Variants in PTPN11 observed in about 807,000 individuals in gnomAD.
PTPN11 encodes the protein protein tyrosine phosphatase non-receptor type 11.
PTPN11 carries 6 observed loss-of-function variants against 78.8 expected under a neutral mutation model. The observed-to-expected ratio is 0.08, with a 90% CI of 0.04 to 0.15. The LOEUF is 0.15. Among genes scored for constraint, PTPN11 ranks in the 10% least tolerant of loss-of-function variants. PTPN11 has a pLI of 1.00. For missense variants in PTPN11, 386 were observed against 744.8 expected (o/e 0.52, Z 5.61); for synonymous variants, 221 against 263.5 (o/e 0.84, Z 1.56).
At chr12:112,466,695 G>T (rs1009512633) in intron 6 of PTPN11, among the ~76,000 whole-genome samples, 3 of 152,028 alleles carry the variant, frequency 2.0e-5, no homozygotes, top group Admixed American at 1.3e-4. Flanking sequence ...GGTAGGCCAA[G>T]AATTTAAAAT....
chr12:112,502,877 G>A (rs568894010), intron 14 of PTPN11, among the ~76,000 whole-genome samples: 1 of 152,302 alleles, frequency 6.6e-6, no homozygotes, highest in African/African-American at 2.4e-5. Context: ...TGATGGGCTG[G>A]GGATTGTAAC....
At chr12:112,502,746 A>G (rs941545421) in intron 14 of PTPN11, among the ~76,000 whole-genome samples, 1 of 152,150 alleles carries the variant, frequency 6.6e-6, no homozygotes, top group African/African-American at 2.4e-5. Flanking sequence ...GCCTCTGTCT[A>G]AAAATAAAAT....
intron 1 of PTPN11, among the ~76,000 whole-genome samples, chr12:112,426,712 C>T (rs2037621287): frequency 6.6e-6 from 1 of 151,980 alleles, no homozygotes; most frequent in Non-Finnish European, 1.5e-5. Flanking sequence ...CTCTTTTCCC[C>T]AAGTGCTGGT....
chr12:112,461,338 CTTT>C (rs559792080), intron 6 of PTPN11, among the ~76,000 whole-genome samples: 7 of 140,480 alleles, frequency 5.0e-5, no homozygotes, highest in Admixed American at 2.9e-4. Flanking sequence ...TTTTCTTTTT[CTTT>C]TTTTTTTTTT....
intron 1 of PTPN11, among the ~76,000 whole-genome samples, chr12:112,426,106 TTCAGCA>T (rs1224493646): frequency 6.6e-6 from 1 of 152,228 alleles, no homozygotes; most frequent in Non-Finnish European, 1.5e-5. Flanking sequence ...AAACAAAATA[TTCAGCA>T]TCATTGTATT....
At chr12:112,441,471 C>T (rs2037889205) in intron 1 of PTPN11, among the ~76,000 whole-genome samples, 1 of 151,892 alleles carries the variant, frequency 6.6e-6, no homozygotes, top group Admixed American at 6.6e-5. Context: ...CCATTTTGCC[C>T]AGGCTGGTCT....
At chr12:112,489,502 TC>T (rs2038720227) in intron 13 of PTPN11, among the ~76,000 whole-genome samples, 1 of 152,180 alleles carries the variant, frequency 6.6e-6, no homozygotes, top group Non-Finnish European at 1.5e-5. Context: ...TCTAGCCTGT[TC>T]CAGCCTTGAT....
chr12:112,488,636 A>G, intron 12 of PTPN11, 126 bp downstream of exon 12: 1 of 980,658 alleles, frequency 1.0e-6, no homozygotes, highest in Admixed American at 1.9e-5. Context: ...TCTGGGCTGA[A>G]GACTTCAGTG....
Position 112,506,000 on chromosome 12 carries a change from A to G in PTPN11, c.*208A>G, listed in dbSNP as rs1220944487. 1 of 152,342 alleles carries G rather than the reference A, an allele frequency of 6.6e-6. No homozygotes were observed. Among genetic ancestry groups the G allele is most frequent in the Admixed American group, 6.5e-5 (1 of 15,278 alleles). 9.4% of individuals were successfully genotyped at this position (152,342 alleles called of 1,614,324 possible). ...ACTCAACAATACCTGCTTCCCAATT[A>G]CTCATTTCCTCAGATAAGAAGAAAT... On this transcript the variant is annotated 3_prime_UTR_variant, in exon 16 of 16. Coordinates refer to ENST00000351677, the MANE Select transcript of PTPN11 (RefSeq NM_002834.5).
intron 1 of PTPN11, among the ~76,000 whole-genome samples, chr12:112,434,022 T>C (rs1038356382): frequency 9.9e-5 from 15 of 151,936 alleles, no homozygotes; most frequent in African/African-American, 3.6e-4. Context: ...GTGGGCCAGG[T>C]GTGGTGGCTC....
At chr12:112,477,755 T>G in intron 8 of PTPN11, 25 bp downstream of exon 8, 1 of 1,606,566 alleles carries the variant, frequency 6.2e-7, no homozygotes, top group South Asian at 1.1e-5. Context: ...TCACAGTGTT[T>G]TCTGACCATA....
chr12:112,494,839 G>A (rs1350547895), intron 13 of PTPN11, among the ~76,000 whole-genome samples: 1 of 152,082 alleles, frequency 6.6e-6, no homozygotes, highest in East Asian at 1.9e-4. Context: ...ATGATGGTTT[G>A]AGAGCAATAC....
chr12:112,454,750 A>G lies in PTPN11; in HGVS notation c.642+70A>G. 4 of 1,130,110 alleles carry G rather than the reference A, an allele frequency of 3.5e-6. No individual in the cohort carries two copies. The South Asian group carries it at 5.1e-5, about 14-fold the overall frequency. 70.0% of individuals were successfully genotyped at this position (1,130,110 alleles called of 1,614,324 possible). ...ACAAATCCTAATAGAGAATTTTGCA[A>G]ACATACAGAGGTAGACAGAATAGTA... On this transcript the variant is annotated intron_variant, in intron 5 of 15. Coordinates refer to ENST00000351677, the MANE Select transcript of PTPN11 (RefSeq NM_002834.5).
At chr12:112,502,975 A>G (rs1035378718) in intron 14 of PTPN11, among the ~76,000 whole-genome samples, 1 of 152,228 alleles carries the variant, frequency 6.6e-6, no homozygotes, top group Non-Finnish European at 1.5e-5. Context: ...CAGCCCAGCC[A>G]TGTTCTGCTC....
chr12:112,427,924 C>G (rs775110346), intron 1 of PTPN11, among the ~76,000 whole-genome samples: 4 of 151,894 alleles, frequency 2.6e-5, no homozygotes, highest in Non-Finnish European at 5.9e-5. Context: ...TTAAGTTTTT[C>G]ATTTTTTATA....
intron 9 of PTPN11, among the ~76,000 whole-genome samples, chr12:112,481,743 C>T (rs770879693): frequency 2.0e-5 from 3 of 152,168 alleles, no homozygotes; most frequent in Non-Finnish European, 2.9e-5. Context: ...CTGCCCGCCT[C>T]GGCCACCCGA....
chr12:112,421,423 T>G (rs1002650670), intron 1 of PTPN11, among the ~76,000 whole-genome samples: 14 of 152,234 alleles, frequency 9.2e-5, no homozygotes, highest in Non-Finnish European at 1.9e-4. Context: ...GCAGCCACTA[T>G]TCTGCTTTCT....
chr12:112,502,225 C>T lies in PTPN11; in HGVS notation c.1681C>T (p.Pro561Ser), dbSNP rs2135928841. The T allele has an allele frequency of 6.2e-7, 1 of 1,613,720 alleles. No homozygotes were observed. The highest frequency in any genetic ancestry group is 8.5e-7 in the Non-Finnish European group (1 of 1,179,678). Residue 561 changes from proline (P) to serine (S), a missense_variant, in exon 14 of 16, where the codon CCG becomes TCG. By Grantham distance (74) the Pro-to-Ser change is moderately conservative (BLOSUM62 -1). Transcript: ENST00000351677. ...DQTSGDQSPL[P>S]PCTPTPPCAE... is the part of the protein sequence containing the mutation. ...GACGAGTGGAGATCAGAGCCCTCTC[C>T]CGCCTTGTACTCCAACGCCACCCTG... is the stretch of plus-strand genomic sequence containing the variant.
intron 13 of PTPN11, among the ~76,000 whole-genome samples, chr12:112,490,956 G>T (rs2038738097): frequency 6.6e-6 from 1 of 152,072 alleles, no homozygotes; most frequent in Admixed American, 6.6e-5. Flanking sequence ...TGAAGCAAAA[G>T]AACAAAACTC....
Sources: gnomAD v4.1 joint callset for allele counts (sites outside exome capture counted in the v4.1 genomes callset) on GRCh38, gnomAD v4.1.1 for gene constraint, MANE v1.5 for transcripts, NCBI Gene and HGNC (gene_info 2026-07-23, HGNC 2026-07-21) for gene names.